ZBTB40: variants seen among roughly 807,000 people sequenced by gnomAD.
The protein encoded by ZBTB40 is zinc finger and BTB domain-containing protein 40.
Under a neutral mutation model 117.5 loss-of-function variants are expected in ZBTB40, and 60 were observed. The observed-to-expected ratio is 0.51, with a 90% CI of 0.41 to 0.63. ZBTB40 has a LOEUF of 0.63. Ranked by LOEUF, ZBTB40 falls within the 30% of genes least tolerant of loss-of-function variation. The pLI, the probability that ZBTB40 is intolerant of heterozygous loss-of-function variation, is 0.00. For synonymous variants in ZBTB40, 525 were observed against 577.1 expected, an observed-to-expected ratio of 0.91 and a Z score of 1.29; for missense variants, 1,287 against 1,498.5, an observed-to-expected ratio of 0.86 and a Z score of 2.33.
intron 9 of ZBTB40, 69 bp from the exon 10 acceptor site, chr1:22,511,110 T>C: frequency 6.5e-7 from 1 of 1,534,194 alleles, no homozygotes; most frequent in Non-Finnish European, 8.9e-7. Context: ...TTTTTTTTTT[T>C]AGGTTGAAAA....
intron 15 of ZBTB40, 39 bp downstream of exon 15, chr1:22,521,697 TTGA>T (rs1639532369): frequency 6.2e-7 from 1 of 1,613,924 alleles, no homozygotes; most frequent in Non-Finnish European, 8.5e-7. Context: ...CGGGAGGGGC[TTGA>T]TGGTGTAGCC....
At chr1:22,476,288 C>T (rs758908879) in intron 1 of ZBTB40, among the ~76,000 whole-genome samples, 15 of 152,192 alleles carry the variant, frequency 9.9e-5, no homozygotes, top group South Asian at 4.1e-4. Flanking sequence ...GGCGTGATCT[C>T]AGCTCACTGC....
chr1:22,513,799 A>G lies in ZBTB40; in HGVS notation c.2668+669A>G, dbSNP rs1639305431. 6.6e-6 allele frequency among the ~76,000 whole-genome samples: 1 copy of G among 152,274 alleles called. No individual in the cohort carries two copies. Among genetic ancestry groups the G allele is most frequent in the South Asian group, 2.1e-4 (1 of 4,828 alleles). On this transcript the variant is annotated intron_variant, in intron 12 of 17. Coordinates refer to ENST00000375647, the MANE Select transcript of ZBTB40 (RefSeq NM_014870.4). The surrounding 1 kb of genome is among the most constrained non-coding windows in gnomAD (Gnocchi z 4.9). ...CTCTGTGCACAGACGTAAACTGCTT[A>G]CTGGGAGAGCTTCTGAAAGAGACTG...
At chr1:22,515,948 C>G (rs550776400) in intron 12 of ZBTB40, among the ~76,000 whole-genome samples, 7 of 152,268 alleles carry the variant, frequency 4.6e-5, no homozygotes, top group African/African-American at 1.7e-4. Flanking sequence ...TAGAGCCGTT[C>G]AGTGTAGAGG....
At chr1:22,505,617 T>A (rs1639057318) in intron 5 of ZBTB40, among the ~76,000 whole-genome samples, 1 of 152,220 alleles carries the variant, frequency 6.6e-6, no homozygotes, top group Non-Finnish European at 1.5e-5. Context: ...TAACCTATGC[T>A]AATATTATGA....
At chr1:22,517,198 C>T in intron 12 of ZBTB40, 102 bp from the exon 13 acceptor site, 2 of 1,495,786 alleles carry the variant, frequency 1.3e-6, no homozygotes, top group South Asian at 1.1e-5. Flanking sequence ...ATGTCATCTA[C>T]CAGATGATAT....
Position 22,441,473 on chromosome 1 carries a change from C to CTTTTTTTTT in ZBTB40, c.-70+12473_-70+12481dup, listed in dbSNP as rs71020419. On this transcript the variant is annotated intron_variant, in intron 1 of 8. Coordinates refer to the ZBTB40 transcript ENST00000650433. ...TGCTTCAGTCTTTATTATTTGCTTTCTTTTTTTTTTTTTTTTTTTTTTGAG... is the reference window on the plus strand; with the variant it reads ...TGCTTCAGTCTTTATTATTTGCTTTCTTTTTTTTTTTTTTTTTTTTTTTTTTTTTTTGAG... Among the ~76,000 whole-genome samples the CTTTTTTTTT allele has an allele frequency of 3.0e-4, 22 of 73,726 alleles. 1 individual carries two copies. The highest frequency in any genetic ancestry group is 4.2e-4 in the Non-Finnish European group (17 of 40,466). The allele number at this position is 73,726 out of a possible 152,430, so 48.4% of individuals were successfully genotyped here.
intron 1 of ZBTB40, among the ~76,000 whole-genome samples, chr1:22,482,965 G>C (rs1210896211): frequency 6.6e-6 from 1 of 151,934 alleles, no homozygotes; most frequent in African/African-American, 2.4e-5. Context: ...TGTAGTCCTA[G>C]CTACTCGGGA....
intron 11 of ZBTB40, among the ~76,000 whole-genome samples, chr1:22,512,640 G>A (rs1187952456): frequency 1.3e-5 from 2 of 152,204 alleles, no homozygotes; most frequent in Non-Finnish European, 1.5e-5. Flanking sequence ...CTGGGTGGCA[G>A]GGTCCTATTT....
intron 1 of ZBTB40, among the ~76,000 whole-genome samples, chr1:22,452,254 C>G (rs574034009): frequency 6.6e-6 from 1 of 152,288 alleles, no homozygotes; most frequent in African/African-American, 2.4e-5. Context: ...GCGCCAGGCC[C>G]GACCTGACAC....
chr1:22,435,888 G>A (rs763893981), intron 1 of ZBTB40, among the ~76,000 whole-genome samples: 1 of 149,676 alleles, frequency 6.7e-6, no homozygotes, highest in African/African-American at 2.4e-5. Context: ...GGCCAACATA[G>A]TGAAACCCCA....
upstream of ZBTB40, among the ~76,000 whole-genome samples, chr1:22,450,137 G>A (rs1258983012): frequency 6.6e-6 from 1 of 152,004 alleles, no homozygotes; most frequent in Non-Finnish European, 1.5e-5. Context: ...AGAGACGGGG[G>A]TTTCACCATG....
chr1:22,505,045 A>G lies in ZBTB40; in HGVS notation c.1168-1004A>G, dbSNP rs554975462. Among the ~76,000 whole-genome samples the G allele has an allele frequency of 1.2e-4, 18 of 152,326 alleles. No individual in the cohort carries two copies. In the South Asian group the frequency reaches 3.5e-3, roughly 30 times the overall value. On this transcript the variant is annotated intron_variant, in intron 5 of 17. Transcript: ENST00000375647. ...TATGACAGCTTGATTTATTATGTAT[A>G]TATTCCTTTCATATATATAAAACCA...
intron 1 of ZBTB40, among the ~76,000 whole-genome samples, chr1:22,461,947 G>A (rs1641143461): frequency 6.6e-6 from 1 of 152,110 alleles, no homozygotes. Context: ...TCACACTGGG[G>A]CCACATGGGC....
chr1:22,497,119 C>T (rs886974324), intron 3 of ZBTB40, among the ~76,000 whole-genome samples: 4 of 152,180 alleles, frequency 2.6e-5, no homozygotes, highest in African/African-American at 9.7e-5. Context: ...TATTCCTAGC[C>T]ATGTCTCTGC....
At position 22,502,428 on chromosome 1, in the gene ZBTB40, G is replaced by C. The variant is rs369935977; in HGVS notation, c.1154G>C (p.Gly385Ala). 3 of 1,613,806 alleles carry C rather than the reference G, an allele frequency of 1.9e-6. No homozygotes were observed. Among genetic ancestry groups the C allele is most frequent in the Non-Finnish European group, 2.5e-6 (3 of 1,179,908 alleles). Residue 385 changes from glycine to alanine, a missense_variant, in exon 5 of 18, where the codon GGC becomes GCC. This residue lies in a region of ZBTB40 where 870 missense variants were observed against 934.4 expected (regional missense o/e 0.93). Transcript: ENST00000375647. ...LETAKEEFLT[G>A]TEKRVILNCC... The stretch of plus-strand genomic sequence containing the variant: ...ACAGCCAAGGAGGAATTCCTGACTG[G>C]CACTGAAAAAAGGGTAACTGTGTCA...
At chr1:22,496,028 C>T (rs926203348) in intron 3 of ZBTB40, among the ~76,000 whole-genome samples, 1 of 152,230 alleles carries the variant, frequency 6.6e-6, no homozygotes, top group Non-Finnish European at 1.5e-5. Context: ...TATTTTCTGA[C>T]ATGTGTCTGC....
intron 3 of ZBTB40, among the ~76,000 whole-genome samples, chr1:22,492,585 A>G (rs1219982594): frequency 2.0e-5 from 3 of 152,208 alleles, no homozygotes; most frequent in Non-Finnish European, 2.9e-5. Context: ...ATGTTGCTAT[A>G]GGCAATTTTG....
At position 22,468,465 on chromosome 1, in the gene ZBTB40, C is replaced by CTTTTTTTTTTTTTTTTTTTTTTTTTT. The variant is rs555995462; in HGVS notation, c.-70+16463_-70+16488dup. On this transcript the variant is annotated intron_variant, in intron 1 of 17. Coordinates refer to ENST00000375647, the MANE Select transcript of ZBTB40 (RefSeq NM_014870.4). ...TTAAAATTTAAAATGTTAATGTTTCCTTTTTTTTTTTTTTTTTTTTTTTTT... is the reference window on the plus strand; with the variant it reads ...TTAAAATTTAAAATGTTAATGTTTCCTTTTTTTTTTTTTTTTTTTTTTTTTTTTTTTTTTTTTTTTTTTTTTTTTTT... 3.9e-5 allele frequency among the ~76,000 whole-genome samples: 2 copies of CTTTTTTTTTTTTTTTTTTTTTTTTTT among 51,708 alleles called. 1 individual carries two copies. The highest frequency in any genetic ancestry group is 2.4e-4 in the African/African-American group (2 of 8,434). The allele number at this position is 51,708 out of a possible 152,430, so 33.9% of individuals were successfully genotyped here. A position where few individuals can be genotyped will look rare whatever the true frequency, so the allele number is the denominator to read the frequency against.
Sources: allele counts gnomAD v4.1 joint callset (sites outside exome capture counted in the v4.1 genomes callset), GRCh38; gene constraint gnomAD v4.1.1; regional missense constraint gnomAD v4.1.1; non-coding constraint Gnocchi (gnomAD v3.1); transcripts MANE v1.5; gene names NCBI Gene and HGNC (gene_info 2026-07-23, HGNC 2026-07-21).